Variants in PPP1R21 observed in about 807,000 individuals in gnomAD.
The protein encoded by PPP1R21 is protein phosphatase 1 regulatory subunit 21, also known as KLRAQ motif containing 1.
PPP1R21 carries 85 observed loss-of-function variants against 112.8 expected under a neutral mutation model. That is an observed-to-expected ratio of 0.75 (90% confidence interval 0.63 to 0.90). The LOEUF is 0.90. Among genes scored for constraint, PPP1R21 ranks in the 40% least tolerant of loss-of-function variants. The pLI is 0.00. For synonymous variants in PPP1R21, 381 were observed against 322.3 expected (o/e 1.18, Z -1.95); for missense variants, 1,199 against 901.5 (o/e 1.33, Z -4.23).
intron 16 of PPP1R21, among the ~76,000 whole-genome samples, chr2:48,497,738 G>A (rs1184652189): frequency 2.0e-5 from 3 of 147,608 alleles, no homozygotes; most frequent in Non-Finnish European, 3.0e-5. Context: ...TGCAAACTCC[G>A]CCTCCTGGGT....
intron 15 of PPP1R21, among the ~76,000 whole-genome samples, chr2:48,492,819 G>T (rs1352268950): frequency 1.3e-5 from 2 of 152,082 alleles, no homozygotes; most frequent in Non-Finnish European, 2.9e-5. Context: ...CTTCAGGAAG[G>T]TTACCTATTT....
chr2:48,512,266 A>G (rs759954377), intron 21 of PPP1R21, among the ~76,000 whole-genome samples: 1 of 152,174 alleles, frequency 6.6e-6, no homozygotes, highest in African/African-American at 2.4e-5. Context: ...TTTAGGCTGA[A>G]ATGCATATCC....
rs200936594 is a variant in PPP1R21 at position 48,459,806 on chromosome 2, G to A, written c.428G>A (p.Arg143Gln). ...CATGTGGAAGCAGAGCTGAGGAGTC[G>A]ACTGGCCACTCTGGAGACAGAAGCA... is the stretch of plus-strand genomic sequence containing the variant. ...HKHVEAELRS[R>Q]LATLETEAAQ... The change falls in exon 5 of 22, where the codon CGA becomes CAA. Residue 143 changes from arginine (R) to glutamine (Q), a missense_variant. By Grantham distance (43) the Arg-to-Gln change is conservative. Transcript: ENST00000294952. 7.5e-5 allele frequency: 121 copies of A among 1,614,016 alleles called. 1 individual carries two copies. The South Asian group carries it at 7.8e-4, about 10-fold the overall frequency.
rs775153591 is a variant in PPP1R21, at chr2:48,454,631, C to G, written c.163C>G (p.Leu55Val). ...LKMKDQSLRK[L>V]QQEMDSLTFR... ...AATGAAGGATCAGTCATTGAGAAAA[C>G]TACAACAGGAAATGGACAGTTTGAC... Residue 55 changes from leucine to valine, a missense_variant, in exon 3 of 22, where the codon CTA (leucine) becomes GTA (valine). Physicochemically the swap from Leu to Val is conservative, Grantham distance 32. Coordinates refer to ENST00000294952, the MANE Select transcript of PPP1R21 (RefSeq NM_001135629.3). The G allele has an allele frequency of 7.4e-6, 12 of 1,614,076 alleles. No individual in the cohort carries two copies. Among genetic ancestry groups the G allele is most frequent in the Non-Finnish European group, 1.0e-5 (12 of 1,179,944 alleles).
chr2:48,462,250 T>C (rs554428814), intron 7 of PPP1R21, among the ~76,000 whole-genome samples: 34 of 152,342 alleles, frequency 2.2e-4, no homozygotes, highest in African/African-American at 7.9e-4. Context: ...TATTTAAAGA[T>C]CATTTGCTGA....
chr2:48,493,915 G>A (rs1669683057), intron 15 of PPP1R21, among the ~76,000 whole-genome samples: 1 of 151,880 alleles, frequency 6.6e-6, no homozygotes, highest in Non-Finnish European at 1.5e-5. Flanking sequence ...GTCCTGATAA[G>A]CCCATTGTAT....
At chr2:48,470,464 G>A (rs1228428186) in intron 9 of PPP1R21, among the ~76,000 whole-genome samples, 1 of 149,712 alleles carries the variant, frequency 6.7e-6, no homozygotes, top group Non-Finnish European at 1.5e-5. Context: ...AGGTTGCAGT[G>A]AGCCAAGATC....
intron 9 of PPP1R21, among the ~76,000 whole-genome samples, chr2:48,469,471 T>TATATATATAGAGAGAGAGC (rs1668390601): frequency 5.1e-5 from 2 of 39,212 alleles, no homozygotes; most frequent in African/African-American, 9.2e-5. Context: ...ATATAGAGCA[T>TATATATATAGAGAGAGAGC]ATATATATAT....
chr2:48,475,273 A>G (rs2103867359), intron 12 of PPP1R21, among the ~76,000 whole-genome samples: 1 of 152,258 alleles, frequency 6.6e-6, no homozygotes, highest in East Asian at 1.9e-4. Context: ...GGATCACTTG[A>G]GCCAAGGAGG....
intron 1 of PPP1R21, among the ~76,000 whole-genome samples, chr2:48,442,613 A>T (rs1057012051): frequency 5.3e-5 from 8 of 152,198 alleles, no homozygotes; most frequent in Non-Finnish European, 1.0e-4. Context: ...CATAGTTATG[A>T]TATAGTACGA....
Position 48,479,975 on chromosome 2 carries a change from A to G in PPP1R21, c.1277A>G (p.Asn426Ser), listed in dbSNP as rs201056519. The change falls in exon 13 of 22, where the codon AAT (asparagine) becomes AGT (serine). Residue 426 changes from asparagine to serine, a missense_variant. Physicochemically the swap from Asn to Ser is conservative, Grantham distance 46 (BLOSUM62 1). Coordinates refer to ENST00000294952, the MANE Select transcript of PPP1R21 (RefSeq NM_001135629.3). ...LRTNYSSVLT[N>S]VGAALHGFHD... is the part of the protein sequence containing the mutation. ...ACAAACTACAGTTCTGTGTTAACAA[A>G]TGTTGGTGCTGCTCTGCATGGATTT... The G allele has an allele frequency of 2.5e-6, 4 of 1,613,478 alleles. No individual in the cohort carries two copies. The East Asian group carries it at 8.9e-5, about 36-fold the overall frequency.
Position 48,491,020 on chromosome 2 carries a change from T to A in PPP1R21, c.1449T>A (p.Ile483=), listed in dbSNP as rs746360376. Residue 483 remains isoleucine, a splice_region_variant and synonymous_variant, in exon 15 of 22, where the codon ATT becomes ATA. Transcript: ENST00000294952. ...VVALTNGAGK[I]ASFFSNNLDY... is the part of the protein sequence containing the mutation. The stretch of plus-strand genomic sequence containing the variant: ...TTTCCTTGTCATACTTTGTTTAGAT[T>A]GCATCCTTCTTCAGCAACAATTTGG... 3.7e-6 allele frequency: 6 copies of A among 1,613,642 alleles called. No individual in the cohort carries two copies. The highest frequency in any genetic ancestry group is 3.3e-5 in the South Asian group (3 of 91,058).
At chr2:48,504,344 C>T (rs1373791067) in intron 17 of PPP1R21, among the ~76,000 whole-genome samples, 1 of 152,134 alleles carries the variant, frequency 6.6e-6, no homozygotes, top group Non-Finnish European at 1.5e-5. Context: ...ATTTAGAATA[C>T]ATTAAAACTG....
At chr2:48,472,885 A>C (rs1217298377) in intron 11 of PPP1R21, among the ~76,000 whole-genome samples, 1 of 150,128 alleles carries the variant, frequency 6.7e-6, no homozygotes, top group Non-Finnish European at 1.5e-5. Flanking sequence ...CAGGAGTTTG[A>C]GGCTGCAGTG....
At chr2:48,507,747 G>GC (rs768534849) in intron 19 of PPP1R21, among the ~76,000 whole-genome samples, 227 of 85,676 alleles carry the variant, frequency 2.6e-3, no homozygotes, top group Non-Finnish European at 3.9e-3. Context: ...GTGAGGCTCT[G>GC]CCTTTTTTTT....
At chr2:48,502,671 C>G (rs531274317) in intron 17 of PPP1R21, among the ~76,000 whole-genome samples, 70 of 126,428 alleles carry the variant, frequency 5.5e-4, no homozygotes, top group African/African-American at 1.9e-3. Flanking sequence ...CAGATAGAAA[C>G]TTTTCTTTTT....
intron 13 of PPP1R21, among the ~76,000 whole-genome samples, chr2:48,485,461 AC>A (rs1232346637): frequency 2.6e-5 from 4 of 152,192 alleles, no homozygotes; most frequent in Non-Finnish European, 5.9e-5. Flanking sequence ...TGACAACTGT[AC>A]CATAGTAATA....
intron 11 of PPP1R21, among the ~76,000 whole-genome samples, chr2:48,471,967 CAGTGG>C (rs1668528695): frequency 6.6e-6 from 1 of 152,024 alleles, no homozygotes; most frequent in Non-Finnish European, 1.5e-5. Flanking sequence ...AGGCCGGGCG[CAGTGG>C]CTCACGCCTG....
intron 12 of PPP1R21, 23 bp from the exon 13 acceptor site, chr2:48,479,901 G>C: frequency 2.7e-6 from 4 of 1,463,738 alleles, no homozygotes; most frequent in Non-Finnish European, 3.8e-6. Flanking sequence ...AAAATGCTTA[G>C]ATTTGTGATT....
Sources: allele counts gnomAD v4.1 joint callset (sites outside exome capture counted in the v4.1 genomes callset), GRCh38; gene constraint gnomAD v4.1.1; transcripts MANE v1.5; gene names NCBI Gene and HGNC (gene_info 2026-07-23, HGNC 2026-07-21).